TUBGCP3: variants seen among roughly 807,000 people sequenced by gnomAD.
The protein encoded by TUBGCP3 is tubulin gamma complex component 3, also known as gamma-tubulin complex component 3.
A neutral mutation model predicts 123.1 loss-of-function variants in TUBGCP3; 50 were observed. That is an observed-to-expected ratio of 0.41 (90% CI 0.32 to 0.51). The LOEUF is 0.51. TUBGCP3 is among the 20% of genes least tolerant of loss of function. The pLI, the probability that TUBGCP3 is intolerant of heterozygous loss-of-function variation, is 0.36. For missense variants in TUBGCP3, 882 were observed against 1,127.0 expected, an observed-to-expected ratio of 0.78 and a Z score of 3.11; for synonymous variants, 405 against 413.9, an observed-to-expected ratio of 0.98 and a Z score of 0.26.
chr13:112,518,035 A>G (rs1408833423), intron 16 of TUBGCP3, among the ~76,000 whole-genome samples: 1 of 152,242 alleles, frequency 6.6e-6, no homozygotes, highest in African/African-American at 2.4e-5. Context: ...GAGAAGTTAT[A>G]CACTTAAAAT....
At chr13:112,596,869 A>G in the TUBGCP3 span, among the ~76,000 whole-genome samples, 3 of 152,234 alleles carry the variant, frequency 2.0e-5, no homozygotes. Context: ...TAGTTAATTC[A>G]GACCAATCCT....
intron 8 of TUBGCP3, among the ~76,000 whole-genome samples, chr13:112,550,710 T>G (rs1879488442): frequency 6.6e-6 from 1 of 152,240 alleles, no homozygotes; most frequent in South Asian, 2.1e-4. Context: ...CGACATGGAA[T>G]CTGCTCAGGC....
At chr13:112,498,717 G>A (rs1880682028) in intron 20 of TUBGCP3, 2 of 1,446,124 alleles carry the variant, frequency 1.4e-6, no homozygotes, top group Non-Finnish European at 1.8e-6. Flanking sequence ...CAAACACAGA[G>A]TGATGCAGAG....
intron 1 of TUBGCP3, among the ~76,000 whole-genome samples, chr13:112,583,365 T>A (rs60548068): frequency 0.14 from 21,297 of 152,128 alleles, 2,567 homozygotes; most frequent in African/African-American, 0.33. Context: ...AGAGAACAAA[T>A]TAAGCCTTCA....
At chr13:112,489,550 G>A (rs1173015497) in intron 21 of TUBGCP3, 31 bp downstream of exon 21, 3 of 1,464,338 alleles carry the variant, frequency 2.0e-6, no homozygotes, top group Non-Finnish European at 1.9e-6. Context: ...GCAGAGTGGT[G>A]TGAAGAGCCA....
chr13:112,565,055 C>A (rs199818108), intron 3 of TUBGCP3, 56 bp downstream of exon 3: 2 of 1,458,192 alleles, frequency 1.4e-6, no homozygotes, highest in Non-Finnish European at 1.9e-6. Context: ...GGTTCCTATA[C>A]CACTCATCAT....
At chr13:112,602,326 G>A in the TUBGCP3 span, among the ~76,000 whole-genome samples, 2 of 152,222 alleles carry the variant, frequency 1.3e-5, no homozygotes, top group East Asian at 1.9e-4. Context: ...TGATTAGAGC[G>A]CTTATTCCCC....
intron 1 of TUBGCP3, among the ~76,000 whole-genome samples, chr13:112,585,965 C>T (rs1434477260): frequency 6.6e-6 from 1 of 151,682 alleles, no homozygotes; most frequent in Admixed American, 6.6e-5. Context: ...TTTGGCTGGG[C>T]GCGGTGGCTC....
chr13:112,588,191 G>A, upstream of TUBGCP3: 1 of 409,856 alleles, frequency 2.4e-6, no homozygotes, highest in Non-Finnish European at 4.3e-6. Context: ...TCCCTGCGCC[G>A]CGGCCGCGCG....
At position 112,574,793 on chromosome 13, in the gene TUBGCP3, C is replaced by T. The variant is rs567119281; in HGVS notation, c.77-5534G>A. 2.6e-4 allele frequency among the ~76,000 whole-genome samples: 39 copies of T among 152,302 alleles called. 1 individual carries two copies. In the South Asian group the frequency reaches 8.1e-3, roughly 32 times the overall value. On this transcript the variant is annotated intron_variant, in intron 1 of 21. Transcript: ENST00000261965. ...CAAAGGAAATCCTGGAATGACTTCC[C>T]CCATTTTTGCTTTTTGATATTTTCT...
intron 19 of TUBGCP3, among the ~76,000 whole-genome samples, chr13:112,502,542 C>CTTTTTTTTTTTT: frequency 8.7e-6 from 1 of 114,368 alleles, no homozygotes; most frequent in African/African-American, 3.6e-5. Context: ...TACATTTCTT[C>CTTTTTTTTTTTT]TTTTTTTTTT....
the TUBGCP3 span, among the ~76,000 whole-genome samples, chr13:112,599,148 A>G: frequency 6.6e-6 from 1 of 152,226 alleles, no homozygotes; most frequent in Non-Finnish European, 1.5e-5. Context: ...GCGTATTATC[A>G]CGGGTGCATA....
intron 3 of TUBGCP3, among the ~76,000 whole-genome samples, chr13:112,560,711 T>C (rs1364071988): frequency 1.3e-5 from 2 of 152,254 alleles, no homozygotes; most frequent in Non-Finnish European, 2.9e-5. Flanking sequence ...GAAGTTTCTT[T>C]TAAAAGTAAG....
intron 16 of TUBGCP3, among the ~76,000 whole-genome samples, chr13:112,517,388 A>G (rs141447408): frequency 6.6e-6 from 1 of 152,324 alleles, no homozygotes; most frequent in African/African-American, 2.4e-5. Flanking sequence ...ATGGCATGAC[A>G]ACTTTGACAC....
At chr13:112,501,804 C>A (rs1169727841) in intron 19 of TUBGCP3, among the ~76,000 whole-genome samples, 2 of 152,174 alleles carry the variant, frequency 1.3e-5, no homozygotes, top group Admixed American at 6.5e-5. Context: ...GACCAACGCA[C>A]ACGTGAAGAC....
At chr13:112,566,890 T>C (rs1880991826) in intron 2 of TUBGCP3, among the ~76,000 whole-genome samples, 1 of 152,258 alleles carries the variant, frequency 6.6e-6, no homozygotes, top group South Asian at 2.1e-4. Context: ...CTTTTGCAAT[T>C]TGTTTCAATA....
chr13:112,504,738 G>A, intron 17 of TUBGCP3, 24 bp from the exon 18 acceptor site: 1 of 1,592,000 alleles, frequency 6.3e-7, no homozygotes, highest in Non-Finnish European at 8.6e-7. Flanking sequence ...GTTGACGTCA[G>A]AGGTGCAATG....
chr13:112,500,297 A>C (rs1880817820), intron 19 of TUBGCP3, among the ~76,000 whole-genome samples: 1 of 152,218 alleles, frequency 6.6e-6, no homozygotes, highest in South Asian at 2.1e-4. Flanking sequence ...TAGCTTGACA[A>C]GGGTCCTATC....
intron 2 of TUBGCP3, among the ~76,000 whole-genome samples, chr13:112,568,872 G>C (rs1235279434): frequency 6.6e-6 from 1 of 152,188 alleles, no homozygotes; most frequent in South Asian, 2.1e-4. Context: ...GGGATAATCA[G>C]ATAACCTACT....
Sources: allele counts gnomAD v4.1 joint callset (sites outside exome capture counted in the v4.1 genomes callset), GRCh38; gene constraint gnomAD v4.1.1; transcripts MANE v1.5; gene names NCBI Gene and HGNC (gene_info 2026-07-23, HGNC 2026-07-21).